Variants in MAOA observed in about 807,000 individuals in gnomAD.
MAOA encodes amine oxidase [flavin-containing] A.
Under a neutral mutation model 42.0 loss-of-function variants are expected in MAOA, and 6 were observed. The observed-to-expected ratio is 0.14, with a 90% confidence interval of 0.08 to 0.28. MAOA has a LOEUF of 0.28. Ranked by LOEUF, MAOA falls within the 10% of genes least tolerant of loss-of-function variation. The pLI is 1.00. For missense variants in MAOA, 262 were observed against 422.3 expected (o/e 0.62, Z 3.33); for synonymous variants, 140 against 154.0 (o/e 0.91, Z 0.67).
At chrX:43,706,648 A>AATAC (rs1462404457) in intron 3 of MAOA, among the ~76,000 whole-genome samples, 1 of 109,829 alleles carries the variant, frequency 9.1e-6, no homozygotes, top group East Asian at 2.8e-4. Context: ...TAAATAAATA[A>AATAC]ATAAAAATAC....
intron 5 of MAOA, among the ~76,000 whole-genome samples, chrX:43,716,839 G>A (rs944916851): frequency 9.0e-6 from 1 of 110,582 alleles, no homozygotes; most frequent in African/African-American, 3.3e-5. Flanking sequence ...ATCATGAATG[G>A]TGTGGCAGGA....
intron 1 of MAOA, among the ~76,000 whole-genome samples, chrX:43,664,762 G>A (rs1014321932): frequency 1.8e-5 from 2 of 111,427 alleles, no homozygotes; most frequent in African/African-American, 3.3e-5. Context: ...GTTTGCTCTC[G>A]CTTCTCTGCT....
intron 10 of MAOA, among the ~76,000 whole-genome samples, chrX:43,740,314 C>T (rs965527066): frequency 2.7e-5 from 3 of 112,118 alleles, no homozygotes; most frequent in Non-Finnish European, 3.8e-5. Context: ...TAGAACTCTA[C>T]GTATTCCAGA....
chrX:43,702,517 A>G (rs2033631768), intron 3 of MAOA, among the ~76,000 whole-genome samples: 1 of 112,167 alleles, frequency 8.9e-6, no homozygotes, highest in Non-Finnish European at 1.9e-5. Flanking sequence ...TATTTTCATA[A>G]CACTTCATTT....
chrX:43,728,499 T>C (rs2033856870), intron 6 of MAOA, among the ~76,000 whole-genome samples, 185 bp downstream of exon 6: 1 of 112,500 alleles, frequency 8.9e-6, no homozygotes. Context: ...TGAAAAGGAG[T>C]TCACAGATAA....
At chrX:43,730,798 C>T (rs1457519290) in intron 6 of MAOA, among the ~76,000 whole-genome samples, 3 of 111,009 alleles carry the variant, frequency 2.7e-5, no homozygotes, top group Non-Finnish European at 5.7e-5. Flanking sequence ...ATGGCTCTAT[C>T]TGCATCCTTA....
chrX:43,710,903 G>A (rs2033694615), intron 3 of MAOA, among the ~76,000 whole-genome samples: 1 of 112,442 alleles, frequency 8.9e-6, no homozygotes, highest in South Asian at 3.7e-4. Context: ...GAGGCTGGAG[G>A]ACCACACTTG....
chrX:43,743,257 A>G (rs1333534369), intron 12 of MAOA, among the ~76,000 whole-genome samples: 2 of 111,257 alleles, frequency 1.8e-5, no homozygotes, highest in Non-Finnish European at 3.8e-5. Flanking sequence ...CAGAGAAGCT[A>G]ACTGTACAGA....
chrX:43,699,055 T>C (rs2033601933), intron 3 of MAOA, among the ~76,000 whole-genome samples: 1 of 111,232 alleles, frequency 9.0e-6, no homozygotes, highest in South Asian at 3.8e-4. Flanking sequence ...GGCAGGAGGA[T>C]TGCTTGAGCC....
At position 43,744,663 on chromosome X, in the gene MAOA, C is replaced by A; in HGVS notation, c.*150C>A. The A allele has an allele frequency of 1.7e-6, 1 of 593,009 alleles. No individual in the cohort carries two copies. Among genetic ancestry groups the A allele is most frequent in the Non-Finnish European group, 2.7e-6 (1 of 366,464 alleles). The allele number at this position is 593,009 out of a possible 1,213,427, so 48.9% of individuals were successfully genotyped here. A position where few individuals can be genotyped will look rare whatever the true frequency, so the allele number is the denominator to read the frequency against. On this transcript the variant is annotated 3_prime_UTR_variant, in exon 15 of 15. Transcript: ENST00000338702. ...ATTCCAATCATTGTTAAAGTAAAAA[C>A]AATTCAAAGAATCACCTAATTAATT...
chrX:43,665,784 A>G (rs1259618005), intron 1 of MAOA, among the ~76,000 whole-genome samples: 4 of 107,921 alleles, frequency 3.7e-5, no homozygotes. Context: ...AAGGAAGTAC[A>G]AAATACAGAT....
Position 43,740,738 on chromosome X carries a change from T to C in MAOA, c.1164T>C (p.His388=). Residue 388 remains histidine, a splice_region_variant and synonymous_variant, in exon 11 of 15, where the codon CAT becomes CAC. Transcript: ENST00000338702. The part of the protein sequence containing the change: ...AKVLGSQEAL[H]PVHYEEKNWC... ...TGCTGGGATCCCAAGAAGCTTTACA[T>C]GTAAGAAACTCCCAGCTTTAATCCC... The C allele has an allele frequency of 8.4e-7, 1 of 1,196,068 alleles. No homozygotes were observed. The highest frequency in any genetic ancestry group is 1.8e-5 in the South Asian group (1 of 55,632).
At chrX:43,736,643 G>A (rs1011556437) in intron 10 of MAOA, among the ~76,000 whole-genome samples, 10 of 111,691 alleles carry the variant, frequency 9.0e-5, no homozygotes, top group Admixed American at 5.7e-4. Flanking sequence ...TTTCTAAAAA[G>A]TATATTTTAA....
At chrX:43,681,849 G>A (rs969001115) in intron 1 of MAOA, among the ~76,000 whole-genome samples, 2 of 104,386 alleles carry the variant, frequency 1.9e-5, no homozygotes, top group Non-Finnish European at 3.9e-5. Flanking sequence ...AAAAATAAAT[G>A]TATGCACAAT....
At chrX:43,682,194 G>A (rs2033449847) in intron 1 of MAOA, among the ~76,000 whole-genome samples, 1 of 111,416 alleles carries the variant, frequency 9.0e-6, no homozygotes, top group Non-Finnish European at 1.9e-5. Context: ...ATTTCTTTGT[G>A]AGCTGAGAGG....
At chrX:43,740,649 T>TA in intron 10 of MAOA, 32 bp from the exon 11 acceptor site, 1 of 1,132,342 alleles carries the variant, frequency 8.8e-7, no homozygotes, top group Non-Finnish European at 1.2e-6. Flanking sequence ...TCCCTAACTT[T>TA]ATTTTTTTTT....
intron 1 of MAOA, among the ~76,000 whole-genome samples, chrX:43,659,693 T>G (rs1201518240): frequency 9.0e-6 from 1 of 111,548 alleles, no homozygotes; most frequent in African/African-American, 3.3e-5. Flanking sequence ...GATTGAACAC[T>G]TCAGGTTCAA....
chrX:43,683,228 G>C (rs774258893), intron 1 of MAOA, among the ~76,000 whole-genome samples: 22 of 111,742 alleles, frequency 2.0e-4, no homozygotes, highest in Non-Finnish European at 3.8e-4. Flanking sequence ...CTAAATATAT[G>C]ATTATCACCA....
intron 1 of MAOA, among the ~76,000 whole-genome samples, chrX:43,660,494 A>T (rs1040003459): frequency 1.8e-5 from 2 of 111,553 alleles, no homozygotes; most frequent in African/African-American, 3.3e-5. Flanking sequence ...TCCAACATGG[A>T]TCTGAGCTTT....
Sources: allele counts gnomAD v4.1 joint callset (sites outside exome capture counted in the v4.1 genomes callset), GRCh38; gene constraint gnomAD v4.1.1; transcripts MANE v1.5; gene names NCBI Gene and HGNC (gene_info 2026-07-23, HGNC 2026-07-21).